The following PDE5A variants were observed in gnomAD, a reference collection of about 807,000 sequenced individuals.
The protein encoded by PDE5A is cGMP-specific 3',5'-cyclic phosphodiesterase.
Under a neutral mutation model 110.2 loss-of-function variants are expected in PDE5A, and 67 were observed. That is an observed-to-expected ratio of 0.61 (90% CI 0.50 to 0.75). PDE5A has a LOEUF of 0.75. PDE5A is among the 30% of genes least tolerant of loss of function. The probability of loss-of-function intolerance (pLI) is 0.00; values close to 1 mark genes in which losing one functional copy is unlikely to be tolerated. For missense variants in PDE5A, 862 were observed against 1,045.1 expected, an observed-to-expected ratio of 0.82 and a Z score of 2.42; for synonymous variants, 328 against 351.2, an observed-to-expected ratio of 0.93 and a Z score of 0.74.
chr4:119,628,081 G>T (rs1367742828), intron 1 of PDE5A: 1 of 978,498 alleles, frequency 1.0e-6, no homozygotes, highest in Non-Finnish European at 1.2e-6. Context: ...GGGCCAGGGC[G>T]AGGGGGGACG....
At position 119,542,611 on chromosome 4, in the gene PDE5A, T is replaced by C; in HGVS notation, c.1420A>G (p.Met474Val). ...TTAACCTTGCCAGTATTCTCCTCCA[T>C]CTTATTAACAAGTTGGCAAACCCCT... ...VIGVCQLVNK[M>V]EENTGKVKPF... The change falls in exon 10 of 21, where the codon ATG becomes GTG. Residue 474 changes from methionine to valine, a missense_variant. By Grantham distance (21) the Met-to-Val change is conservative. Transcript: ENST00000354960. The C allele has an allele frequency of 6.2e-7, 1 of 1,613,828 alleles. No homozygotes were observed. Among genetic ancestry groups the C allele is most frequent in the Non-Finnish European group, 8.5e-7 (1 of 1,179,778 alleles).
intron 3 of PDE5A, among the ~76,000 whole-genome samples, chr4:119,587,922 T>G (rs1433068621): frequency 6.6e-6 from 1 of 152,200 alleles, no homozygotes; most frequent in Non-Finnish European, 1.5e-5. Context: ...AGACAAGGAC[T>G]CCTTGGCCTC....
chr4:119,598,079 T>C (rs1729215681), intron 2 of PDE5A, among the ~76,000 whole-genome samples: 2 of 152,138 alleles, frequency 1.3e-5, no homozygotes, highest in Non-Finnish European at 2.9e-5. Flanking sequence ...TGAAAAATTA[T>C]TGATATATAG....
At chr4:119,617,865 T>C (rs1432935745) in intron 1 of PDE5A, among the ~76,000 whole-genome samples, 1 of 152,174 alleles carries the variant, frequency 6.6e-6, no homozygotes, top group African/African-American at 2.4e-5. Flanking sequence ...TCATTTGAGA[T>C]TTCCCAATTT....
In PDE5A at chr4:119,542,648, A is replaced by C; in HGVS notation, c.1397-14T>G. The C allele has an allele frequency of 1.2e-6, 2 of 1,606,942 alleles. No individual in the cohort carries two copies. Among genetic ancestry groups the C allele is most frequent in the African/African-American group, 2.7e-5 (2 of 74,838 alleles). On this transcript the variant is annotated splice_polypyrimidine_tract_variant and intron_variant, in intron 9 of 20. Transcript: ENST00000354960. Reference sequence around the variant, plus strand: ...GTTGGCAAACCCCTATAACAATCCGAGAAATTGAGCAAATGTTATTGTTGA... The same window carrying C: ...GTTGGCAAACCCCTATAACAATCCGCGAAATTGAGCAAATGTTATTGTTGA...
At chr4:119,516,592 TAAAATAAGA>T (rs966583429) in intron 14 of PDE5A, among the ~76,000 whole-genome samples, 3 of 152,214 alleles carry the variant, frequency 2.0e-5, no homozygotes, top group African/African-American at 7.2e-5. Flanking sequence ...TGCCTATTTT[TAAAATAAGA>T]ATTCAGTATC....
chr4:119,504,619 C>T lies in PDE5A; in HGVS notation c.2268-20G>A. 1.2e-6 allele frequency: 2 copies of T among 1,600,978 alleles called. No individual in the cohort carries two copies. Among genetic ancestry groups the T allele is most frequent in the Non-Finnish European group, 1.7e-6 (2 of 1,170,966 alleles). ...ATTGCCCTGTTATGGAAAAAAGAAA[C>T]CCAAAACTCCTATTTACTTTTGTGT... On this transcript the variant is annotated intron_variant, in intron 17 of 20. Transcript: ENST00000354960.
chr4:119,598,634 TACA>T, intron 2 of PDE5A, among the ~76,000 whole-genome samples: 1 of 152,080 alleles, frequency 6.6e-6, no homozygotes, highest in Admixed American at 6.5e-5. Flanking sequence ...CTAGACAAAA[TACA>T]AGACAACAAA....
chr4:119,549,951 T>A (rs1727278612), intron 9 of PDE5A: 1 of 152,188 alleles, frequency 6.6e-6, no homozygotes, highest in Non-Finnish European at 1.5e-5. Context: ...ACAACACATG[T>A]GTCCGTCTGT....
intron 7 of PDE5A, among the ~76,000 whole-genome samples, chr4:119,555,511 G>A (rs1727503970): frequency 6.6e-6 from 1 of 151,860 alleles, no homozygotes; most frequent in Non-Finnish European, 1.5e-5. Context: ...AAAATAAGAA[G>A]CTATAGTGAA....
At chr4:119,582,252 C>T (rs908109325) in intron 3 of PDE5A, among the ~76,000 whole-genome samples, 3 of 152,334 alleles carry the variant, frequency 2.0e-5, no homozygotes, top group Non-Finnish European at 1.5e-5. Context: ...ACAGCATTTA[C>T]AGCAGGGATA....
intron 6 of PDE5A, among the ~76,000 whole-genome samples, chr4:119,562,371 C>T (rs771998083): frequency 2.0e-5 from 3 of 152,226 alleles, no homozygotes; most frequent in Non-Finnish European, 2.9e-5. Flanking sequence ...AATACTCCTA[C>T]TGGCTATGCC....
chr4:119,495,973 CT>C lies in PDE5A; in HGVS notation c.*2627del, dbSNP rs1375749637. The C allele has an allele frequency of 6.6e-6, 1 of 152,050 alleles. No individual in the cohort carries two copies. Among genetic ancestry groups the C allele is most frequent in the East Asian group, 1.9e-4 (1 of 5,172 alleles). The allele number at this position is 152,050 out of a possible 1,614,324, so 9.4% of individuals were successfully genotyped here. On this transcript the variant is annotated 3_prime_UTR_variant, in exon 21 of 21. Coordinates refer to ENST00000354960, the MANE Select transcript of PDE5A (RefSeq NM_001083.4). The stretch of plus-strand genomic sequence containing the variant: ...GTGACATTCTGCTTGAAGACAAAGG[CT>C]TTGCCCAAACATAACTCCTTTTAAA...
Position 119,542,700 on chromosome 4 carries a change from A to AC in PDE5A, c.1397-67_1397-66insG, listed in dbSNP as rs1726978751. The AC allele has an allele frequency of 4.9e-6, 7 of 1,420,640 alleles. No individual in the cohort carries two copies. In the Admixed American group the frequency reaches 8.8e-5, roughly 18 times the overall value. 88.0% of individuals were successfully genotyped at this position (1,420,640 alleles called of 1,614,324 possible). A position where few individuals can be genotyped will look rare whatever the true frequency, so the allele number is the denominator to read the frequency against. ...TATCATAGTTTTTGTGGACTTTAAC[A>AC]AACACACCCAAAGATTGTCTTACAC... On this transcript the variant is annotated intron_variant, in intron 9 of 20. Transcript: ENST00000354960.
chr4:119,529,516 C>CACATGGGA (rs1163797960), intron 11 of PDE5A, among the ~76,000 whole-genome samples: 1 of 152,132 alleles, frequency 6.6e-6, no homozygotes, highest in Non-Finnish European at 1.5e-5. Context: ...AATGTAGTGA[C>CACATGGGA]ACATGGGAAA....
intron 7 of PDE5A, among the ~76,000 whole-genome samples, chr4:119,559,944 T>A (rs1280151688): frequency 6.6e-6 from 1 of 152,204 alleles, no homozygotes; most frequent in East Asian, 1.9e-4. Context: ...GTCTACCTTC[T>A]GAGTCAAATG....
At chr4:119,580,668 C>T (rs1039714653) in intron 3 of PDE5A, among the ~76,000 whole-genome samples, 2 of 152,172 alleles carry the variant, frequency 1.3e-5, no homozygotes, top group African/African-American at 4.8e-5. Context: ...AACCAGTCGC[C>T]TAAAGCATGG....
chr4:119,623,162 C>T (rs114976113), intron 1 of PDE5A, among the ~76,000 whole-genome samples: 384 of 152,242 alleles, frequency 2.5e-3, no homozygotes, highest in African/African-American at 9.1e-3. Context: ...GTATGTGGCT[C>T]ACAGGCACTT....
intron 4 of PDE5A, 66 bp downstream of exon 4, chr4:119,567,007 G>A: frequency 9.4e-7 from 1 of 1,058,212 alleles, no homozygotes; most frequent in Non-Finnish European, 1.5e-6. Context: ...TAAACCTAGA[G>A]GTGTATATAC....
Sources: gnomAD v4.1 joint callset for allele counts (sites outside exome capture counted in the v4.1 genomes callset) on GRCh38, gnomAD v4.1.1 for gene constraint, MANE v1.5 for transcripts, NCBI Gene and HGNC (gene_info 2026-07-23, HGNC 2026-07-21) for gene names.